CNR2: variants seen among roughly 807,000 people sequenced by gnomAD.
The protein encoded by CNR2 is cannabinoid receptor 2.
For synonymous variants in CNR2, 172 were observed against 182.2 expected (o/e 0.94, Z 0.45); for missense variants, 379 against 439.9 (o/e 0.86, Z 1.24).
intron 1 of CNR2, among the ~76,000 whole-genome samples, chr1:23,893,120 A>G (rs1640217056): frequency 6.6e-6 from 1 of 152,208 alleles, no homozygotes; most frequent in Non-Finnish European, 1.5e-5. Flanking sequence ...CGGGTTATCA[A>G]AGAAACTCAG....
intron 1 of CNR2, among the ~76,000 whole-genome samples, chr1:23,900,446 A>G (rs1167051351): frequency 1.3e-5 from 2 of 151,392 alleles, no homozygotes; most frequent in Non-Finnish European, 2.9e-5. Flanking sequence ...AGAGGCTTAT[A>G]GACGGAGGGG....
chr1:23,882,651 CAA>C (rs34245051), intron 1 of CNR2, among the ~76,000 whole-genome samples: 3 of 112,680 alleles, frequency 2.7e-5, no homozygotes, highest in Admixed American at 2.1e-4. Flanking sequence ...ACTAAAAATA[CAA>C]AAAAAAAAAA....
In CNR2 at chr1:23,875,422, G is replaced by A. The variant is rs757744382; in HGVS notation, c.196C>T (p.Arg66Trp). Reference sequence around the variant, plus strand: ...CCAATGAACAGGTATGAGGGCTTCCGGCGGAGTTGGTGGGAGGACAGGATC... The same window carrying A: ...CCAATGAACAGGTATGAGGGCTTCCAGCGGAGTTGGTGGGAGGACAGGATC... Reference protein sequence around the residue: ...YLILSSHQLRRKPSYLFIGSL... With the variant: ...YLILSSHQLRWKPSYLFIGSL... The change falls in exon 2 of 2, where the codon CGG becomes TGG. Residue 66 changes from arginine (R) to tryptophan (W), a missense_variant. Coordinates refer to ENST00000374472, the MANE Select transcript of CNR2 (RefSeq NM_001841.3). 2.4e-5 allele frequency: 39 copies of A among 1,614,106 alleles called. No individual in the cohort carries two copies. Among genetic ancestry groups the A allele is most frequent in the South Asian group, 8.8e-5 (8 of 91,090 alleles).
At chr1:23,909,397 G>C (rs1308623403) in intron 1 of CNR2, among the ~76,000 whole-genome samples, 1 of 152,172 alleles carries the variant, frequency 6.6e-6, no homozygotes, top group Non-Finnish European at 1.5e-5. Context: ...CATAGCTGGG[G>C]ACCGAGAGCC....
chr1:23,902,006 G>T (rs1308442570), intron 1 of CNR2: 2 of 1,604,532 alleles, frequency 1.2e-6, no homozygotes, highest in Non-Finnish European at 1.7e-6. Context: ...GATGGTGTGG[G>T]TCTCCTCCAG....
At chr1:23,875,764 A>G in intron 1 of CNR2, 102 bp from the exon 2 acceptor site, 2 of 923,998 alleles carry the variant, frequency 2.2e-6, no homozygotes, top group Non-Finnish European at 3.2e-6. Context: ...GTATGGATGG[A>G]TTCTATGTGG....
chr1:23,890,265 AAAAAAAAAAG>A (rs1325826227), intron 1 of CNR2, among the ~76,000 whole-genome samples: 3 of 149,828 alleles, frequency 2.0e-5, no homozygotes, highest in African/African-American at 7.3e-5. Context: ...TCTCAAAAAA[AAAAAAAAAAG>A]AAAAGAAAAG....
intron 1 of CNR2, among the ~76,000 whole-genome samples, chr1:23,896,111 G>A (rs918575664): frequency 2.6e-5 from 4 of 151,930 alleles, no homozygotes; most frequent in Non-Finnish European, 5.9e-5. Context: ...TGATCCTCCC[G>A]CCTTGGTCTC....
chr1:23,900,134 C>T (rs992598092), intron 1 of CNR2, among the ~76,000 whole-genome samples: 11 of 151,744 alleles, frequency 7.2e-5, no homozygotes, highest in Admixed American at 5.9e-4. Context: ...CACCCAAATC[C>T]ATAAACTGGC....
chr1:23,885,917 C>T (rs1262343429), intron 1 of CNR2, among the ~76,000 whole-genome samples: 6 of 149,052 alleles, frequency 4.0e-5, no homozygotes, highest in East Asian at 3.9e-4. Context: ...TGGCCAGGCA[C>T]GGTGGCTCAC....
intron 1 of CNR2, among the ~76,000 whole-genome samples, chr1:23,893,671 T>C (rs1280337946): frequency 6.6e-6 from 1 of 152,198 alleles, no homozygotes; most frequent in Non-Finnish European, 1.5e-5. Context: ...TGTCCCAGTA[T>C]TGCCATTTGT....
intron 1 of CNR2, chr1:23,901,777 C>A: frequency 6.6e-7 from 1 of 1,507,696 alleles, no homozygotes; most frequent in South Asian, 1.1e-5. Flanking sequence ...TCACGCTGTA[C>A]TCAGCCTTCC....
chr1:23,881,406 G>A (rs1639986309), intron 1 of CNR2, among the ~76,000 whole-genome samples: 3 of 151,520 alleles, frequency 2.0e-5, no homozygotes, highest in African/African-American at 4.9e-5. Flanking sequence ...AGACCAGCCT[G>A]TCTCTAATAA....
chr1:23,913,085 T>C (rs976266178), intron 1 of CNR2, among the ~76,000 whole-genome samples, 161 bp downstream of exon 1: 2 of 25,974 alleles, frequency 7.7e-5, no homozygotes, highest in Admixed American at 6.9e-4. Context: ...GAGAATCGCT[T>C]GAACCTGTGA....
At chr1:23,897,353 C>A (rs968256509) in intron 1 of CNR2, among the ~76,000 whole-genome samples, 5 of 152,034 alleles carry the variant, frequency 3.3e-5, no homozygotes, top group African/African-American at 1.2e-4. Flanking sequence ...GACCCTTTAC[C>A]GTCTTAAAAG....
intron 1 of CNR2, among the ~76,000 whole-genome samples, chr1:23,887,150 C>T (rs1640106917): frequency 6.6e-6 from 1 of 152,172 alleles, no homozygotes; most frequent in Admixed American, 6.5e-5. Context: ...GTCAAGGTCA[C>T]ACCTGAGCTC....
chr1:23,888,941 C>T (rs981814434), intron 1 of CNR2, among the ~76,000 whole-genome samples: 7 of 151,914 alleles, frequency 4.6e-5, no homozygotes, highest in Admixed American at 2.6e-4. Flanking sequence ...TGCACTCCAG[C>T]CTGGGCAATA....
intron 1 of CNR2, among the ~76,000 whole-genome samples, chr1:23,895,831 T>A (rs1349817953): frequency 6.6e-6 from 1 of 151,926 alleles, no homozygotes; most frequent in East Asian, 1.9e-4. Context: ...CATGACAAGG[T>A]CAGATTGGTA....
At chr1:23,900,093 C>T (rs1034148579) in intron 1 of CNR2, among the ~76,000 whole-genome samples, 3 of 151,334 alleles carry the variant, frequency 2.0e-5, no homozygotes, top group Non-Finnish European at 4.4e-5. Context: ...AGATACTTTG[C>T]AGACCCTGCA....
Sources: gnomAD v4.1 joint callset for allele counts (sites outside exome capture counted in the v4.1 genomes callset) on GRCh38, gnomAD v4.1.1 for gene constraint, MANE v1.5 for transcripts, NCBI Gene and HGNC (gene_info 2026-07-23, HGNC 2026-07-21) for gene names.